TAP1: variants seen among roughly 807,000 people sequenced by gnomAD.
TAP1 encodes antigen peptide transporter 1.
In TAP1, 56 loss-of-function variants were observed where a neutral mutation model predicts 79.3. That is an observed-to-expected ratio of 0.71 (90% CI 0.57 to 0.88). The LOEUF (loss-of-function observed/expected upper bound fraction) is 0.88. Among genes scored for constraint, TAP1 ranks in the 40% least tolerant of loss-of-function variants. The probability of loss-of-function intolerance (pLI) is 0.00; values close to 1 mark genes in which losing one functional copy is unlikely to be tolerated. For missense variants in TAP1, 737 were observed against 936.3 expected (o/e 0.79, Z 2.78); for synonymous variants, 355 against 401.4 (o/e 0.88, Z 1.38).
chr6:32,845,445 GA>G lies in TAP1; in HGVS notation c.*133del. 1.2e-6 allele frequency: 1 copy of G among 836,262 alleles called. No homozygotes were observed. The highest frequency in any genetic ancestry group is 1.4e-5 in the South Asian group (1 of 70,358). The allele number at this position is 836,262 out of a possible 1,614,324, so 51.8% of individuals were successfully genotyped here. ...AGTCTGCATTATCACGAGGAGCTTG[GA>G]AAGGAGGTAACACACTCAAGGCAAA... On this transcript the variant is annotated 3_prime_UTR_variant, in exon 11 of 11. Transcript: ENST00000354258. The surrounding 1 kb of genome is among the most constrained non-coding windows in gnomAD (Gnocchi z 4.5).
Position 32,847,756 on chromosome 6 carries a change from T to C in TAP1, c.1741-81A>G, listed in dbSNP as rs543655369. On this transcript the variant is annotated intron_variant, in intron 8 of 10. Transcript: ENST00000354258. This position sits in a 1 kb window ranked among gnomAD's most constrained non-coding sequence, Gnocchi z 4.7. The stretch of plus-strand genomic sequence containing the variant: ...CTAGAGATCGAAGACTCAAAATCTT[T>C]ATTGAGAACATGTCACAAAATCATA... The C allele has an allele frequency of 3.2e-6, 5 of 1,583,186 alleles. No individual in the cohort carries two copies. The Admixed American group carries it at 6.7e-5, about 21-fold the overall frequency.
At position 32,848,702 on chromosome 6, in the gene TAP1, G is replaced by A. The variant is rs1770599393; in HGVS notation, c.1516C>T (p.Gln506Ter). Residue 506 changes from glutamine (Q) to a stop codon, truncating the protein, a stop_gained, in exon 7 of 11, where the codon CAA (glutamine) becomes TAA (stop). Coordinates refer to ENST00000354258, the MANE Select transcript of TAP1 (RefSeq NM_000593.6). LOFTEE classifies it high-confidence loss of function. Reference sequence around the variant, plus strand: ...TTTGGGTAGGCAAAGGAGACATCTTGGAACTGGACAAGGCCCTCCAAGTGT... The same window carrying A: ...TTTGGGTAGGCAAAGGAGACATCTTAGAACTGGACAAGGCCCTCCAAGTGT... ...PLHLEGLVQF[Q>*]DVSFAYPNRP... 1 of 1,614,150 alleles carries A rather than the reference G, an allele frequency of 6.2e-7. No homozygotes were observed. The highest frequency in any genetic ancestry group is 8.5e-7 in the Non-Finnish European group (1 of 1,180,026).
Position 32,850,529 on chromosome 6 carries a change from T to G in TAP1, c.1051-12A>C. The G allele has an allele frequency of 6.2e-7, 1 of 1,609,524 alleles. No homozygotes were observed. The highest frequency in any genetic ancestry group is 8.5e-7 in the Non-Finnish European group (1 of 1,179,802). ...TGCACTTCCAGCAACTGTGGATACA[T>G]GGACAAGAGATGTCACACGGGTTGG... is the stretch of plus-strand genomic sequence containing the variant. On this transcript the variant is annotated splice_polypyrimidine_tract_variant and intron_variant, in intron 4 of 10. Coordinates refer to ENST00000354258, the MANE Select transcript of TAP1 (RefSeq NM_000593.6). This position sits in a 1 kb window ranked among gnomAD's most constrained non-coding sequence, Gnocchi z 5.5.
In TAP1 at chr6:32,847,629, T is replaced by C. The variant is rs370269186; in HGVS notation, c.1787A>G (p.Gln596Arg). Residue 596 changes from glutamine to arginine, a missense_variant, in exon 9 of 11, where the codon CAA becomes CGA. Gln to Arg is a conservative substitution (Grantham distance 43). Transcript: ENST00000354258. This position sits in a 1 kb window ranked among gnomAD's most constrained non-coding sequence, Gnocchi z 4.7. ...GGTCAGGCCATAGGCAATATTTTCTTGAAGACTTCTTCCAAATACCTGTGG... is the reference window on the plus strand; with the variant it reads ...GGTCAGGCCATAGGCAATATTTTCTCGAAGACTTCTTCCAAATACCTGTGG... ...QEPQVFGRSL[Q>R]ENIAYGLTQK... 1.9e-6 allele frequency: 3 copies of C among 1,614,042 alleles called. No homozygotes were observed. Among genetic ancestry groups the C allele is most frequent in the Non-Finnish European group, 2.5e-6 (3 of 1,180,028 alleles).
In TAP1 at chr6:32,851,116, G is replaced by T; in HGVS notation, c.878C>A (p.Ser293Tyr). The T allele has an allele frequency of 1.2e-6, 2 of 1,613,010 alleles. No individual in the cohort carries two copies. The highest frequency in any genetic ancestry group is 1.7e-6 in the Non-Finnish European group (2 of 1,180,020). ...NIMSRVTEDTSTLSDSLSENL... is the reference protein window; with the variant it reads ...NIMSRVTEDTYTLSDSLSENL... ...CTCACTCAGAGAATCACTCAGGGTGGACGTGTCCTCTGTTACCCGAGACAT... is the reference window on the plus strand; with the variant it reads ...CTCACTCAGAGAATCACTCAGGGTGTACGTGTCCTCTGTTACCCGAGACAT... The change falls in exon 4 of 11, where the codon TCC becomes TAC. Residue 293 changes from serine to tyrosine, a missense_variant. Ser to Tyr is a moderately radical substitution (Grantham distance 144). Coordinates refer to ENST00000354258, the MANE Select transcript of TAP1 (RefSeq NM_000593.6). The surrounding 1 kb of genome is among the most constrained non-coding windows in gnomAD (Gnocchi z 4.8).
intron 10 of TAP1, chr6:32,846,607 C>T (rs1341318964): frequency 3.5e-6 from 1 of 288,322 alleles, no homozygotes; most frequent in African/African-American, 2.2e-5. Flanking sequence ...ATTACCTGAG[C>T]TCAGGAATTC....
intron 10 of TAP1, chr6:32,846,146 G>T: frequency 2.9e-6 from 1 of 347,060 alleles, no homozygotes; most frequent in South Asian, 3.0e-5. Flanking sequence ...AGGCAGACCT[G>T]AATTTGGGTC....
In TAP1 at chr6:32,848,762, G is replaced by A; in HGVS notation, c.1456C>T (p.Pro486Ser). 2 of 1,614,108 alleles carry A rather than the reference G, an allele frequency of 1.2e-6. No homozygotes were observed. The highest frequency in any genetic ancestry group is 1.1e-5 in the South Asian group (1 of 91,082). ...EKIFEYLDRT[P>S]RCPPSGLLTP... ...AACAGACCACTGGGTGGGCAGCGAG[G>A]GGTGCGGTCCAGGTACTCAAATATT... The change falls in exon 7 of 11, where the codon CCT (proline) becomes TCT (serine). Residue 486 changes from proline to serine, a missense_variant. This residue lies in a region of TAP1 where 266 missense variants were observed against 332.4 expected (regional missense o/e 0.80). Coordinates refer to ENST00000354258, the MANE Select transcript of TAP1 (RefSeq NM_000593.6).
In TAP1 at chr6:32,851,035, A is replaced by G; in HGVS notation, c.959T>C (p.Met320Thr). 1.9e-6 allele frequency: 3 copies of G among 1,613,070 alleles called. No individual in the cohort carries two copies. The highest frequency in any genetic ancestry group is 2.5e-6 in the Non-Finnish European group (3 of 1,180,024). ...LVRGLCLLGIMLWGSVSLTMV... is the reference protein window; with the variant it reads ...LVRGLCLLGITLWGSVSLTMV... Reference sequence around the variant, plus strand: ...GGTGAGGGACACTGATCCCCAGAGCATGATCCCCAAGAGACATAGGCCTCG... The same window carrying G: ...GGTGAGGGACACTGATCCCCAGAGCGTGATCCCCAAGAGACATAGGCCTCG... Residue 320 changes from methionine to threonine, a missense_variant, in exon 4 of 11, where the codon ATG (methionine) becomes ACG (threonine). Coordinates refer to ENST00000354258, the MANE Select transcript of TAP1 (RefSeq NM_000593.6). This position sits in a 1 kb window ranked among gnomAD's most constrained non-coding sequence, Gnocchi z 4.8.
chr6:32,847,767 T>C lies in TAP1; in HGVS notation c.1741-92A>G, dbSNP rs1770528313. On this transcript the variant is annotated intron_variant, in intron 8 of 10. Transcript: ENST00000354258. This position sits in a 1 kb window ranked among gnomAD's most constrained non-coding sequence, Gnocchi z 4.7. ...AGACTCAAAATCTTTATTGAGAACA[T>C]GTCACAAAATCATACTACCTCCCTC... 6.4e-7 allele frequency: 1 copy of C among 1,570,938 alleles called. No individual in the cohort carries two copies. Among genetic ancestry groups the C allele is most frequent in the East Asian group, 2.2e-5 (1 of 44,650 alleles).
intron 10 of TAP1, chr6:32,846,402 A>C (rs1304873815): frequency 6.0e-6 from 1 of 166,378 alleles, no homozygotes; most frequent in Non-Finnish European, 1.3e-5. Context: ...AGGGAGGATC[A>C]CTTGGGCCCA....
rs1053746422 is a variant in TAP1 at position 32,853,576 on chromosome 6, C to A, written c.61G>T (p.Ala21Ser). 1 of 1,612,488 alleles carries A rather than the reference C, an allele frequency of 6.2e-7. No homozygotes were observed. Residue 21 changes from alanine (A) to serine (S), a missense_variant, in exon 1 of 11, where the codon GCA becomes TCA. Around this residue, in one of 5 missense-constraint regions of TAP1, gnomAD observed 45 missense variants for 60.2 expected, o/e 0.75. Transcript: ENST00000354258. This position sits in a 1 kb window ranked among gnomAD's most constrained non-coding sequence, Gnocchi z 8.3. Reference sequence around the variant, plus strand: ...AGTAGCAGTACTGTCCCCAGCCATGCGAGAGAAGCTCCGGGGAGGCAGCGG... The same window carrying A: ...AGTAGCAGTACTGTCCCCAGCCATGAGAGAGAAGCTCCGGGGAGGCAGCGG... ...GCRCLPGASLAWLGTVLLLLA... is the reference protein window; with the variant it reads ...GCRCLPGASLSWLGTVLLLLA...
In TAP1 at chr6:32,853,692, T is replaced by C. The variant is rs755297755; in HGVS notation, c.-56A>G. 1 of 1,572,622 alleles carries C rather than the reference T, an allele frequency of 6.4e-7. No homozygotes were observed. The highest frequency in any genetic ancestry group is 1.1e-5 in the South Asian group (1 of 88,052). Reference sequence around the variant, plus strand: ...GGGCCTGGGACTCTCCGCGCCCCGGTGGGGCCTGAAGCTCCGGGTACCGCC... The same window carrying C: ...GGGCCTGGGACTCTCCGCGCCCCGGCGGGGCCTGAAGCTCCGGGTACCGCC... On this transcript the variant is annotated 5_prime_UTR_variant, in exon 1 of 11. Coordinates refer to ENST00000354258, the MANE Select transcript of TAP1 (RefSeq NM_000593.6). The surrounding 1 kb of genome is among the most constrained non-coding windows in gnomAD (Gnocchi z 8.3).
chr6:32,849,235 A>T, intron 5 of TAP1, 117 bp from the exon 6 acceptor site: 3 of 1,255,012 alleles, frequency 2.4e-6, no homozygotes, highest in Non-Finnish European at 3.4e-6. Flanking sequence ...TGACATCGGC[A>T]GGCTCAATAG....
chr6:32,845,671 C>A lies in TAP1; in HGVS notation c.2155G>T (p.Ala719Ser). 1.2e-6 allele frequency: 2 copies of A among 1,613,068 alleles called. No individual in the cohort carries two copies. Among genetic ancestry groups the A allele is most frequent in the Non-Finnish European group, 1.7e-6 (2 of 1,180,024 alleles). The change falls in exon 11 of 11, where the codon GCT becomes TCT. Residue 719 changes from alanine (A) to serine (S), a missense_variant. Ala to Ser is a moderately conservative substitution (Grantham distance 99, BLOSUM62 1). Coordinates refer to ENST00000354258, the MANE Select transcript of TAP1 (RefSeq NM_000593.6). This position sits in a 1 kb window ranked among gnomAD's most constrained non-coding sequence, Gnocchi z 4.5. ...TGGTGGGTTCCCCCCTCCCGGATAG[C>A]GCCTCCTTCCAGAAAGAGGATGTGG... Reference protein sequence around the residue: ...ADHILFLEGGAIREGGTHQQL... With the variant: ...ADHILFLEGGSIREGGTHQQL...
Position 32,848,724 on chromosome 6 carries a change from G to C in TAP1, c.1494C>G (p.His498Gln). 1.9e-6 allele frequency: 3 copies of C among 1,614,178 alleles called. No homozygotes were observed. The highest frequency in any genetic ancestry group is 2.5e-6 in the Non-Finnish European group (3 of 1,180,028). ...CPPSGLLTPL[H>Q]LEGLVQFQDV... is the part of the protein sequence containing the mutation. ...CTTGGAACTGGACAAGGCCCTCCAAGTGTAAGGGAGTCAACAGACCACTGG... is the reference window on the plus strand; with the variant it reads ...CTTGGAACTGGACAAGGCCCTCCAACTGTAAGGGAGTCAACAGACCACTGG... Residue 498 changes from histidine to glutamine, a missense_variant, in exon 7 of 11, where the codon CAC becomes CAG. Physicochemically the swap from His to Gln is conservative, Grantham distance 24. This residue lies in a region of TAP1 where 266 missense variants were observed against 332.4 expected (regional missense o/e 0.80). Transcript: ENST00000354258.
chr6:32,845,965 G>C lies in TAP1; in HGVS notation c.2041-180C>G. On this transcript the variant is annotated intron_variant, in intron 10 of 10. Transcript: ENST00000354258. This position sits in a 1 kb window ranked among gnomAD's most constrained non-coding sequence, Gnocchi z 4.5. The stretch of plus-strand genomic sequence containing the variant: ...CAAACCCTTTGTTTCATTAAGGACT[G>C]TTTTACATGAAGGGTGCAAAAGTAG... 1 of 646,112 alleles carries C rather than the reference G, an allele frequency of 1.5e-6. No homozygotes were observed. The highest frequency in any genetic ancestry group is 2.8e-6 in the Non-Finnish European group (1 of 356,542). The allele number at this position is 646,112 out of a possible 1,614,324, so 40.0% of individuals were successfully genotyped here. A position where few individuals can be genotyped will look rare whatever the true frequency, so the allele number is the denominator to read the frequency against.
Position 32,847,227 on chromosome 6 carries a change from G to A in TAP1, c.1904-23C>T, listed in dbSNP as rs571602342. 77 of 1,609,984 alleles carry A rather than the reference G, an allele frequency of 4.8e-5. No homozygotes were observed. In the East Asian group the frequency reaches 1.6e-3, roughly 33 times the overall value. On this transcript the variant is annotated intron_variant, in intron 9 of 10. Coordinates refer to ENST00000354258, the MANE Select transcript of TAP1 (RefSeq NM_000593.6). The surrounding 1 kb of genome is among the most constrained non-coding windows in gnomAD (Gnocchi z 4.7). ...CCTCTGCAGAGCAAAGGGCCAAGAT[G>A]AGAACGGTATAGCCACATGTGTGCA...
At position 32,852,752 on chromosome 6, in the gene TAP1, T is replaced by G; in HGVS notation, c.599-250A>C. ...ATCATGAAGTAGAAAAGCCTCCTGT[T>G]AGAGATGAGGATGCCCCGCCCTTCG... On this transcript the variant is annotated intron_variant, in intron 1 of 10. Transcript: ENST00000354258. This position sits in a 1 kb window ranked among gnomAD's most constrained non-coding sequence, Gnocchi z 4.8. 1 of 1,443,386 alleles carries G rather than the reference T, an allele frequency of 6.9e-7. No homozygotes were observed. Among genetic ancestry groups the G allele is most frequent in the Non-Finnish European group, 9.0e-7 (1 of 1,106,358 alleles). The allele number at this position is 1,443,386 out of a possible 1,614,324, so 89.4% of individuals were successfully genotyped here.
Sources: gnomAD v4.1 joint callset for allele counts on GRCh38, gnomAD v4.1.1 for gene constraint, gnomAD v4.1.1 regional missense constraint, Gnocchi (gnomAD v3.1) non-coding constraint, MANE v1.5 for transcripts, NCBI Gene and HGNC (gene_info 2026-07-23, HGNC 2026-07-21) for gene names.